Variants in NAV2 observed in about 807,000 individuals in gnomAD.
NAV2 encodes helicase, APC down-regulated 1.
A neutral mutation model predicts 223.2 loss-of-function variants in NAV2; 54 were observed. That is an observed-to-expected ratio of 0.24 (90% CI 0.19 to 0.30). NAV2 has a LOEUF of 0.30. Ranked by LOEUF, NAV2 falls within the 10% of genes least tolerant of loss-of-function variation. The probability of loss-of-function intolerance (pLI) is 1.00; values close to 1 mark genes in which losing one functional copy is unlikely to be tolerated. For synonymous variants in NAV2, 1,279 were observed against 1,239.3 expected (o/e 1.03, Z -0.67); for missense variants, 2,806 against 3,147.5 (o/e 0.89, Z 2.60).
chr11:19,919,758 T>G (rs1040428415), intron 6 of NAV2, among the ~76,000 whole-genome samples: 3 of 152,210 alleles, frequency 2.0e-5, no homozygotes, highest in African/African-American at 7.2e-5. Flanking sequence ...GCAGTGTGCT[T>G]TCACATCATT....
chr11:20,115,157 GA>G (rs11324357), intron 37 of NAV2, among the ~76,000 whole-genome samples: 107,039 of 151,840 alleles, frequency 0.7, 41,040 homozygotes, highest in Non-Finnish European at 0.87. Flanking sequence ...AGCAGAGGAA[GA>G]GATTGCTAAG....
chr11:19,853,127 C>T (rs991361420), intron 3 of NAV2, among the ~76,000 whole-genome samples: 1 of 152,166 alleles, frequency 6.6e-6, no homozygotes, highest in African/African-American at 2.4e-5. Flanking sequence ...TTGCTGGACC[C>T]CATCCCCAGA....
At chr11:19,766,971 C>T (rs967002505) in intron 1 of NAV2, among the ~76,000 whole-genome samples, 2 of 152,146 alleles carry the variant, frequency 1.3e-5, no homozygotes, top group Non-Finnish European at 2.9e-5. Context: ...GTACCCTACA[C>T]CCTTGAGTTT....
chr11:20,078,954 T>C (rs2059925857), intron 24 of NAV2, among the ~76,000 whole-genome samples: 1 of 152,230 alleles, frequency 6.6e-6, no homozygotes, highest in Non-Finnish European at 1.5e-5. Context: ...CATTATCTGG[T>C]TTTCTTTCTA....
chr11:19,859,159 T>A lies in NAV2; in HGVS notation c.439-9766T>A, dbSNP rs1043983510. Among the ~76,000 whole-genome samples, 28 of 121,948 alleles carry A rather than the reference T, an allele frequency of 2.3e-4. 1 individual carries two copies. The highest frequency in any genetic ancestry group is 1.1e-3 in the South Asian group (4 of 3,530). 80.0% of individuals were successfully genotyped at this position (121,948 alleles called of 152,430 possible). On this transcript the variant is annotated intron_variant, in intron 3 of 37. Coordinates refer to ENST00000349880, the MANE Select transcript of NAV2 (RefSeq NM_145117.5). ...TCTCTTTTTTTTTTTTTTTTTTTTT[T>A]ATTGATCATTCTTGGGTGTTTCTCG...
rs372588468 is a variant in NAV2, at chr11:20,107,722, C to T, written c.6900C>T (p.Thr2300=). 148 of 1,614,024 alleles carry T rather than the reference C, an allele frequency of 9.2e-5. No homozygotes were observed. Among genetic ancestry groups the T allele is most frequent in the East Asian group, 2.2e-4 (10 of 44,874 alleles). Residue 2300 remains threonine, a synonymous_variant, in exon 36 of 38, where the codon ACC becomes ACT. Coordinates refer to ENST00000349880, the MANE Select transcript of NAV2 (RefSeq NM_145117.5). ...IDVDGSRVWF[T]DLWNYSIIPY... The stretch of plus-strand genomic sequence containing the variant: ...TGGACGGCTCGAGAGTGTGGTTCAC[C>T]GACTTGTGGAACTATTCCATTATCC...
At chr11:19,385,387 A>G (rs1315714287) in intron 1 of NAV2, among the ~76,000 whole-genome samples, 1 of 152,254 alleles carries the variant, frequency 6.6e-6, no homozygotes, top group Admixed American at 6.5e-5. Context: ...AAAGCCTTCA[A>G]GAACCATAAA....
At chr11:19,759,780 T>C (rs1001158362) in intron 1 of NAV2, among the ~76,000 whole-genome samples, 4 of 152,182 alleles carry the variant, frequency 2.6e-5, no homozygotes, top group African/African-American at 9.7e-5. Context: ...AAAAATAATA[T>C]ATACAAAGTG....
intron 1 of NAV2, among the ~76,000 whole-genome samples, chr11:19,461,985 T>C (rs1852182579): frequency 6.6e-6 from 1 of 152,160 alleles, no homozygotes; most frequent in South Asian, 2.1e-4. Context: ...TTTTGTGTGT[T>C]TTTAGTAGAG....
At chr11:19,679,752 T>A (rs1565161771) in intron 1 of NAV2, among the ~76,000 whole-genome samples, 1 of 152,226 alleles carries the variant, frequency 6.6e-6, no homozygotes, top group South Asian at 2.1e-4. Context: ...ACCTGTGTAC[T>A]CCTGTACCTG....
chr11:19,829,293 T>G (rs1384274590), intron 1 of NAV2, among the ~76,000 whole-genome samples: 1 of 152,222 alleles, frequency 6.6e-6, no homozygotes, highest in Non-Finnish European at 1.5e-5. Flanking sequence ...GAAGGAAGCC[T>G]TGCTTTATAT....
At chr11:19,579,038 T>C (rs765335086) in intron 1 of NAV2, among the ~76,000 whole-genome samples, 2 of 152,132 alleles carry the variant, frequency 1.3e-5, no homozygotes, top group African/African-American at 2.4e-5. Context: ...TGTGTACAAG[T>C]AGAGCCAGAA....
chr11:19,543,337 T>A (rs1451432097), intron 1 of NAV2, among the ~76,000 whole-genome samples: 1 of 152,180 alleles, frequency 6.6e-6, no homozygotes, highest in Non-Finnish European at 1.5e-5. Context: ...ATCTATGAAG[T>A]TCCAGGAACT....
intron 4 of NAV2, among the ~76,000 whole-genome samples, chr11:19,869,785 T>G (rs1477051330): frequency 6.6e-6 from 1 of 152,156 alleles, no homozygotes. Flanking sequence ...TGAGACTGCT[T>G]TTTGAAAGGA....
intron 1 of NAV2, among the ~76,000 whole-genome samples, chr11:19,694,706 G>T (rs756361173): frequency 6.6e-6 from 1 of 152,164 alleles, no homozygotes; most frequent in Non-Finnish European, 1.5e-5. Context: ...TCCTTAGAAT[G>T]AAATTTTAGA....
intron 1 of NAV2, among the ~76,000 whole-genome samples, chr11:19,568,447 G>A (rs1355660643): frequency 1.3e-5 from 2 of 152,212 alleles, no homozygotes; most frequent in African/African-American, 4.8e-5. Context: ...GTGAGGGTGT[G>A]TCTGGAGCCC....
intron 11 of NAV2, chr11:20,027,434 C>G (rs2055213659): frequency 1.0e-6 from 1 of 985,376 alleles, no homozygotes; most frequent in Non-Finnish European, 1.2e-6. Flanking sequence ...TGGGCTGTGC[C>G]TTGATTCTGG....
intron 1 of NAV2, among the ~76,000 whole-genome samples, chr11:19,612,506 C>T (rs1300604357): frequency 6.6e-6 from 1 of 152,202 alleles, no homozygotes; most frequent in Non-Finnish European, 1.5e-5. Context: ...GAATGCTTTG[C>T]TGCTTAGAAA....
chr11:19,712,132 T>C (rs904794107), upstream of NAV2: 3 of 152,128 alleles, frequency 2.0e-5, no homozygotes, highest in Non-Finnish European at 2.9e-5. Context: ...AGGGGCTCCA[T>C]GAAACGCAGC....
Sources: allele counts gnomAD v4.1 joint callset (sites outside exome capture counted in the v4.1 genomes callset), GRCh38; gene constraint gnomAD v4.1.1; transcripts MANE v1.5; gene names NCBI Gene and HGNC (gene_info 2026-07-23, HGNC 2026-07-21).